LYPD6B: variants seen among roughly 807,000 people sequenced by gnomAD.
The protein encoded by LYPD6B is ly6/PLAUR domain-containing protein 6B.
Under a neutral mutation model 22.8 loss-of-function variants are expected in LYPD6B, and 17 were observed. The ratio of observed to expected loss-of-function variants is 0.75; its 90% confidence interval spans 0.51 to 1.12. The LOEUF (loss-of-function observed/expected upper bound fraction) is 1.12. LYPD6B is among the 50% of genes most tolerant of loss of function. LYPD6B has a pLI of 0.00. For missense variants in LYPD6B, 221 were observed against 258.3 expected (o/e 0.86, Z 0.99); for synonymous variants, 106 against 91.6 (o/e 1.16, Z -0.90).
At position 149,067,672 on chromosome 2, in the gene LYPD6B, T is replaced by C. The variant is rs551821488; in HGVS notation, c.-67+28871T>C. On this transcript the variant is annotated intron_variant, in intron 1 of 6. Coordinates refer to ENST00000409642, the MANE Select transcript of LYPD6B (RefSeq NM_177964.5). ...GGTTTAAGGGAATGCTCTTAGATAATCTTTGTCTTAAAAGAAAATTTTTTC... is the reference window on the plus strand; with the variant it reads ...GGTTTAAGGGAATGCTCTTAGATAACCTTTGTCTTAAAAGAAAATTTTTTC... Among the ~76,000 whole-genome samples, 280 of 152,036 alleles carry C rather than the reference T, an allele frequency of 1.8e-3. 3 individuals are homozygous for C. Among genetic ancestry groups the C allele is most frequent in the Non-Finnish European group, 2.5e-4 (17 of 67,976 alleles).
intron 3 of LYPD6B, among the ~76,000 whole-genome samples, chr2:149,171,606 G>A (rs1690829922): frequency 6.6e-6 from 1 of 151,862 alleles, no homozygotes; most frequent in Non-Finnish European, 1.5e-5. Flanking sequence ...AGGTGGAGAG[G>A]AAAGGAGTAT....
At chr2:149,160,037 C>A (rs771066904) in intron 2 of LYPD6B, among the ~76,000 whole-genome samples, 43 of 151,920 alleles carry the variant, frequency 2.8e-4, no homozygotes, top group Non-Finnish European at 5.6e-4. Flanking sequence ...GCCTGAAGTC[C>A]CAACTACTCA....
In LYPD6B at chr2:149,160,398, A is replaced by C. The variant is rs547892925; in HGVS notation, c.6-366A>C. On this transcript the variant is annotated intron_variant, in intron 2 of 6. Coordinates refer to ENST00000409642, the MANE Select transcript of LYPD6B (RefSeq NM_177964.5). ...GAATGTGTGAATGCTACGGCCTGCC[A>C]AATACCCTGATATATGCCAGTGTTG... 1.7e-5 allele frequency: 8 copies of C among 461,640 alleles called. No homozygotes were observed. In the East Asian group the frequency reaches 5.4e-4, roughly 31 times the overall value. 28.6% of individuals were successfully genotyped at this position (461,640 alleles called of 1,614,324 possible). A position where few individuals can be genotyped will look rare whatever the true frequency, so the allele number is the denominator to read the frequency against.
Position 149,214,819 on chromosome 2 carries a change from C to A in LYPD6B, c.*109C>A. ...TCAATCTTGCACTTGGTGAAGAGTGCACATTGGACCTCAAGGCGAAAGCCA... is the reference window on the plus strand; with the variant it reads ...TCAATCTTGCACTTGGTGAAGAGTGAACATTGGACCTCAAGGCGAAAGCCA... On this transcript the variant is annotated 3_prime_UTR_variant, in exon 7 of 7. Transcript: ENST00000409642. 1.7e-6 allele frequency: 2 copies of A among 1,148,260 alleles called. No individual in the cohort carries two copies. Among genetic ancestry groups the A allele is most frequent in the Non-Finnish European group, 2.6e-6 (2 of 778,070 alleles). 71.1% of individuals were successfully genotyped at this position (1,148,260 alleles called of 1,614,324 possible). A position where few individuals can be genotyped will look rare whatever the true frequency, so the allele number is the denominator to read the frequency against.
At chr2:149,208,252 T>A in intron 4 of LYPD6B, 62 bp from the exon 5 acceptor site, 1 of 1,180,708 alleles carries the variant, frequency 8.5e-7, no homozygotes, top group Non-Finnish European at 1.3e-6. Context: ...TTGTACCATG[T>A]TTGATGTTCG....
chr2:149,177,724 C>T (rs945255072), intron 3 of LYPD6B, among the ~76,000 whole-genome samples: 1 of 152,036 alleles, frequency 6.6e-6, no homozygotes, highest in African/African-American at 2.4e-5. Flanking sequence ...AGGCGATGTG[C>T]AGAGACTGTT....
chr2:149,100,294 T>C (rs1309053085), intron 1 of LYPD6B, among the ~76,000 whole-genome samples: 2 of 151,920 alleles, frequency 1.3e-5, no homozygotes, highest in Admixed American at 1.3e-4. Flanking sequence ...CTGATGCCGG[T>C]TTGACACTTT....
In LYPD6B at chr2:149,205,384, A is replaced by G; in HGVS notation, c.209A>G (p.Asn70Ser). The stretch of plus-strand genomic sequence containing the variant: ...TTTGCCAAGAACATCAACTTCTATA[A>G]TGTGAGGCCTCCTCTCGACCGTAAG... Reference protein sequence around the residue: ...WAFAKNINFYNVRPPLDPTPF... With the variant: ...WAFAKNINFYSVRPPLDPTPF... Residue 70 changes from asparagine (N) to serine (S), a missense_variant, in exon 4 of 7, where the codon AAT becomes AGT. Coordinates refer to ENST00000409642, the MANE Select transcript of LYPD6B (RefSeq NM_177964.5). The G allele has an allele frequency of 7.4e-6, 12 of 1,613,968 alleles. No individual in the cohort carries two copies. The highest frequency in any genetic ancestry group is 9.3e-6 in the Non-Finnish European group (11 of 1,179,844).
chr2:149,047,964 A>G (rs1369027312), intron 1 of LYPD6B, among the ~76,000 whole-genome samples: 6 of 152,166 alleles, frequency 3.9e-5, no homozygotes, highest in Non-Finnish European at 8.8e-5. Context: ...TAGCCTTTCA[A>G]ATATTTCCAT....
At chr2:149,107,658 C>G (rs961619009) in intron 1 of LYPD6B, among the ~76,000 whole-genome samples, 2 of 152,142 alleles carry the variant, frequency 1.3e-5, no homozygotes, top group Admixed American at 1.3e-4. Flanking sequence ...TGCTTCATTT[C>G]CAAATATTTG....
intron 2 of LYPD6B, among the ~76,000 whole-genome samples, chr2:149,134,742 A>G (rs1228869099): frequency 2.0e-5 from 3 of 152,228 alleles, no homozygotes; most frequent in African/African-American, 7.2e-5. Flanking sequence ...GCCAGGATCC[A>G]TCCTGAGACC....
intron 1 of LYPD6B, among the ~76,000 whole-genome samples, chr2:149,126,995 G>T (rs1687737283): frequency 6.7e-6 from 1 of 148,976 alleles, no homozygotes; most frequent in African/African-American, 2.5e-5. Flanking sequence ...ATAAATCTGT[G>T]GTTTAATCCG....
At position 149,188,717 on chromosome 2, in the gene LYPD6B, C is replaced by A. The variant is rs569653445; in HGVS notation, c.78-16536C>A. On this transcript the variant is annotated intron_variant, in intron 3 of 6. Coordinates refer to ENST00000409642, the MANE Select transcript of LYPD6B (RefSeq NM_177964.5). ...TATTCCGTAACGTCTCAGGAGGTCG[C>A]CTGGCTCCAGAGAGGTAGTTTTAAA... The A allele has an allele frequency of 7.2e-5, 71 of 979,694 alleles. No individual in the cohort carries two copies. In the African/African-American group the frequency reaches 1.2e-3, roughly 17 times the overall value. The allele number at this position is 979,694 out of a possible 1,614,324, so 60.7% of individuals were successfully genotyped here.
chr2:149,104,702 G>C (rs76143057), intron 1 of LYPD6B, among the ~76,000 whole-genome samples: 7,437 of 152,188 alleles, frequency 0.049, 480 homozygotes, highest in African/African-American at 0.14. Context: ...TTTCAAAGAA[G>C]TGAATAATTA....
intron 1 of LYPD6B, among the ~76,000 whole-genome samples, chr2:149,116,462 G>T (rs905222773): frequency 1.3e-5 from 2 of 152,138 alleles, no homozygotes; most frequent in Non-Finnish European, 2.9e-5. Context: ...TCTTAAAATT[G>T]TTAATTGTGA....
chr2:149,103,326 C>A (rs1035286919), intron 1 of LYPD6B, among the ~76,000 whole-genome samples: 2 of 152,108 alleles, frequency 1.3e-5, no homozygotes, highest in African/African-American at 4.8e-5. Context: ...GCTTTTGAAA[C>A]AATTAGTTTA....
intron 1 of LYPD6B, among the ~76,000 whole-genome samples, chr2:149,061,608 A>G (rs1684085162): frequency 6.6e-6 from 1 of 151,968 alleles, no homozygotes; most frequent in South Asian, 2.1e-4. Context: ...GTTCTCCTGG[A>G]TTCCCCGGGG....
chr2:149,090,679 G>T (rs1021412984), intron 1 of LYPD6B, among the ~76,000 whole-genome samples: 7 of 151,992 alleles, frequency 4.6e-5, no homozygotes, highest in African/African-American at 1.7e-4. Context: ...GACTCCTAGG[G>T]GTGATAACTC....
At chr2:149,211,227 C>T (rs549043636) in intron 5 of LYPD6B, among the ~76,000 whole-genome samples, 28 of 152,240 alleles carry the variant, frequency 1.8e-4, no homozygotes, top group African/African-American at 6.3e-4. Context: ...ATCACCTCCC[C>T]TCTCCAACAT....
Sources: allele counts gnomAD v4.1 joint callset (sites outside exome capture counted in the v4.1 genomes callset), GRCh38; gene constraint gnomAD v4.1.1; transcripts MANE v1.5; gene names NCBI Gene and HGNC (gene_info 2026-07-23, HGNC 2026-07-21).